The following SUCO variants were observed in gnomAD, a reference collection of about 807,000 sequenced individuals.
SUCO encodes the protein SUN domain containing ossification factor.
A neutral mutation model predicts 148.1 loss-of-function variants in SUCO; 57 were observed. The ratio of observed to expected loss-of-function variants is 0.38; its 90% CI spans 0.31 to 0.48. SUCO has a LOEUF of 0.48. Among genes scored for constraint, SUCO ranks in the 20% least tolerant of loss-of-function variants. SUCO has a pLI of 0.96. For missense variants in SUCO, 1,331 were observed against 1,468.2 expected, an observed-to-expected ratio of 0.91 and a Z score of 1.53; for synonymous variants, 470 against 502.7, an observed-to-expected ratio of 0.93 and a Z score of 0.87.
intron 22 of SUCO, among the ~76,000 whole-genome samples, chr1:172,607,821 A>G (rs575396676): frequency 6.6e-6 from 1 of 152,090 alleles, no homozygotes; most frequent in Non-Finnish European, 1.5e-5. Context: ...ATGTTTTGAT[A>G]TTTTCATATA....
At chr1:172,600,965 G>A (rs1168110113) in intron 20 of SUCO, among the ~76,000 whole-genome samples, 2 of 152,200 alleles carry the variant, frequency 1.3e-5, no homozygotes, top group Admixed American at 6.5e-5. Flanking sequence ...AGTGAGAAAA[G>A]TGAAGCTGAG....
At position 172,561,842 on chromosome 1, in the gene SUCO, T is replaced by C. The variant is rs1316613673; in HGVS notation, c.732+4048T>C. On this transcript the variant is annotated intron_variant, in intron 6 of 23. Transcript: ENST00000263688. Reference sequence around the variant, plus strand: ...GGGCAGGCAGCATACTACCTCAGCATTGGCACAGGAGAAAATAAAATCTTT... The same window carrying C: ...GGGCAGGCAGCATACTACCTCAGCACTGGCACAGGAGAAAATAAAATCTTT... Among the ~76,000 whole-genome samples the C allele has an allele frequency of 2.6e-5, 4 of 152,138 alleles. No homozygotes were observed. The East Asian group carries it at 7.7e-4, about 29-fold the overall frequency.
chr1:172,598,247 A>C (rs904823138), intron 19 of SUCO, among the ~76,000 whole-genome samples: 1 of 152,214 alleles, frequency 6.6e-6, no homozygotes, highest in African/African-American at 2.4e-5. Context: ...TTTGATAAAA[A>C]TCAGTTAACC....
At chr1:172,544,537 T>C (rs1194587289) in intron 1 of SUCO, among the ~76,000 whole-genome samples, 2 of 152,206 alleles carry the variant, frequency 1.3e-5, no homozygotes, top group East Asian at 3.9e-4. Context: ...TATTAGTTTC[T>C]TGCCCCAAGA....
intron 19 of SUCO, among the ~76,000 whole-genome samples, chr1:172,592,246 A>G (rs1373265413): frequency 6.6e-6 from 1 of 152,100 alleles, no homozygotes; most frequent in Admixed American, 6.6e-5. Context: ...CTCTGATGGT[A>G]GTTTCTTTTG....
chr1:172,587,482 C>T (rs1181907463), intron 17 of SUCO, among the ~76,000 whole-genome samples: 1 of 152,016 alleles, frequency 6.6e-6, no homozygotes, highest in Non-Finnish European at 1.5e-5. Context: ...TTTTCTCTCT[C>T]CCCTTCTTCA....
chr1:172,566,436 G>C (rs544898959), intron 6 of SUCO, among the ~76,000 whole-genome samples: 12 of 152,328 alleles, frequency 7.9e-5, no homozygotes, highest in Admixed American at 6.5e-4. Flanking sequence ...GTGGTCACCA[G>C]ATGATTCAGG....
Position 172,579,277 on chromosome 1 carries a change from T to C in SUCO, c.1498+10T>C, listed in dbSNP as rs1345832066. 7 of 1,554,510 alleles carry C rather than the reference T, an allele frequency of 4.5e-6. No individual in the cohort carries two copies. The highest frequency in any genetic ancestry group is 1.7e-4 in the Middle Eastern group (1 of 5,868). ...CTTGGTTCTGCTACAAGTGAGTATT[T>C]TGAGGATTTTCTATTCATTCTACTA... On this transcript the variant is annotated intron_variant, in intron 15 of 23. Coordinates refer to ENST00000263688, the MANE Select transcript of SUCO (RefSeq NM_014283.5).
chr1:172,532,378 G>A (rs975626762), upstream of SUCO: 5 of 938,054 alleles, frequency 5.3e-6, no homozygotes, highest in African/African-American at 6.7e-5. Flanking sequence ...AGAACGAAAA[G>A]CAACGAAGCA....
rs1653725520 is a variant in SUCO, at chr1:172,555,974, A to C, written c.394A>C (p.Asn132His). ...NAVVDSETVE[N>H]ISSSSTSEIT... ...AGTTGTGGACAGTGAAACTGTTGAA[A>C]ATATTTCCAGCTCATCTACCTCAGA... The change falls in exon 4 of 24, where the codon AAT becomes CAT. Residue 132 changes from asparagine (N) to histidine (H), a missense_variant. Transcript: ENST00000263688. 2 of 1,613,450 alleles carry C rather than the reference A, an allele frequency of 1.2e-6. No individual in the cohort carries two copies. Among genetic ancestry groups the C allele is most frequent in the South Asian group, 2.2e-5 (2 of 91,020 alleles).
At chr1:172,609,331 A>C (rs1409428524) in intron 23 of SUCO, 23 of 984,912 alleles carry the variant, frequency 2.3e-5, no homozygotes, top group Non-Finnish European at 2.8e-5. Context: ...TTTTAGTTGT[A>C]ATTTCATCTA....
At chr1:172,607,346 A>G (rs1289176801) in intron 22 of SUCO, among the ~76,000 whole-genome samples, 1 of 151,690 alleles carries the variant, frequency 6.6e-6, no homozygotes, top group Non-Finnish European at 1.5e-5. Flanking sequence ...TTGGGCCACC[A>G]GGTGATGATA....
intron 4 of SUCO, chr1:172,556,503 TCTC>T (rs1653772076): frequency 1.8e-6 from 1 of 569,136 alleles, no homozygotes; most frequent in East Asian, 1.4e-4. Context: ...GTTATGTACT[TCTC>T]CTAGCTTCTT....
At chr1:172,601,766 C>G (rs1657548322) in intron 20 of SUCO, among the ~76,000 whole-genome samples, 1 of 150,952 alleles carries the variant, frequency 6.6e-6, no homozygotes, top group African/African-American at 2.5e-5. Context: ...AATGGAAAGA[C>G]AAACAAAATG....
At chr1:172,545,342 G>GTTT (rs1470141292) in intron 1 of SUCO, among the ~76,000 whole-genome samples, 2 of 152,168 alleles carry the variant, frequency 1.3e-5, no homozygotes, top group African/African-American at 4.8e-5. Context: ...AGTTTCAGTA[G>GTTT]CTGTCAACTA....
intron 10 of SUCO, among the ~76,000 whole-genome samples, chr1:172,574,209 T>C (rs560897992): frequency 6.6e-6 from 1 of 152,210 alleles, no homozygotes; most frequent in Admixed American, 6.5e-5. Context: ...AACATAACCA[T>C]ATGATATTAT....
chr1:172,532,641 C>A, upstream of SUCO: 1 of 1,614,030 alleles, frequency 6.2e-7, no homozygotes, highest in Non-Finnish European at 8.5e-7. Flanking sequence ...TGCAACAGTT[C>A]CAAAGCTGAT....
chr1:172,581,457 C>G (rs1655878576), intron 15 of SUCO, among the ~76,000 whole-genome samples: 1 of 152,120 alleles, frequency 6.6e-6, no homozygotes, highest in South Asian at 2.1e-4. Context: ...ACTTTATTGT[C>G]ATAAAACTTT....
intron 19 of SUCO, among the ~76,000 whole-genome samples, chr1:172,594,576 G>T (rs1436704436): frequency 6.6e-6 from 1 of 152,182 alleles, no homozygotes; most frequent in African/African-American, 2.4e-5. Context: ...CAGTTTCCAT[G>T]TAGTTGAGCA....
Sources: gnomAD v4.1 joint callset for allele counts (sites outside exome capture counted in the v4.1 genomes callset) on GRCh38, gnomAD v4.1.1 for gene constraint, MANE v1.5 for transcripts, NCBI Gene and HGNC (gene_info 2026-07-23, HGNC 2026-07-21) for gene names.